IQSEC1: variants seen among roughly 807,000 people sequenced by gnomAD.
IQSEC1 encodes IQ motif and SEC7 domain-containing protein 1.
In IQSEC1, 31 loss-of-function variants were observed where a neutral mutation model predicts 91.0. The observed-to-expected ratio is 0.34, with a 90% CI of 0.26 to 0.46. IQSEC1 has a LOEUF of 0.46. Ranked by LOEUF, IQSEC1 falls within the 20% of genes least tolerant of loss-of-function variation. IQSEC1 has a pLI of 1.00. For missense variants in IQSEC1, 1,388 were observed against 1,575.6 expected (o/e 0.88, Z 2.02); for synonymous variants, 699 against 662.6 (o/e 1.05, Z -0.84).
At chr3:13,112,787 G>A (rs1015995974) in intron 2 of IQSEC1, among the ~76,000 whole-genome samples, 1 of 152,236 alleles carries the variant, frequency 6.6e-6, no homozygotes, top group African/African-American at 2.4e-5. Flanking sequence ...CCTGACCACA[G>A]GGCCCAGGTG....
intron 1 of IQSEC1, among the ~76,000 whole-genome samples, chr3:13,273,306 A>C (rs1695619012): frequency 6.6e-6 from 1 of 152,120 alleles, no homozygotes; most frequent in Non-Finnish European, 1.5e-5. Flanking sequence ...AAGGGAAGTG[A>C]ACATCTCTGC....
At chr3:13,070,313 G>A (rs565107663) in intron 1 of IQSEC1, among the ~76,000 whole-genome samples, 2 of 152,290 alleles carry the variant, frequency 1.3e-5, no homozygotes, top group East Asian at 1.9e-4. Flanking sequence ...AAACGGGATC[G>A]ACAGTATCAC....
chr3:12,997,009 T>C (rs929383020), intron 1 of IQSEC1, among the ~76,000 whole-genome samples: 3 of 152,284 alleles, frequency 2.0e-5, no homozygotes, highest in East Asian at 1.9e-4. Context: ...AGCATGCTAA[T>C]ATAAAAATAC....
At chr3:12,975,893 A>G (rs1030352548) in intron 1 of IQSEC1, among the ~76,000 whole-genome samples, 3 of 152,212 alleles carry the variant, frequency 2.0e-5, no homozygotes, top group South Asian at 2.1e-4. Context: ...CTGCGGGAAG[A>G]AAGTCTCTGC....
intron 1 of IQSEC1, among the ~76,000 whole-genome samples, chr3:12,978,742 C>T (rs1701314411): frequency 6.6e-6 from 1 of 151,848 alleles, no homozygotes; most frequent in Non-Finnish European, 1.5e-5. Context: ...AATCTTTGCA[C>T]AACAGTAAGC....
At chr3:13,094,941 G>A (rs995641158) in intron 2 of IQSEC1, among the ~76,000 whole-genome samples, 4 of 152,142 alleles carry the variant, frequency 2.6e-5, no homozygotes, top group African/African-American at 9.7e-5. Flanking sequence ...GCTGAGAGAG[G>A]AGCCCAGCAA....
chr3:12,901,683 G>A (rs1026243660), intron 13 of IQSEC1, among the ~76,000 whole-genome samples, 161 bp from the exon 14 acceptor site: 2 of 151,752 alleles, frequency 1.3e-5, no homozygotes, highest in South Asian at 2.1e-4. Context: ...ACTGGGCCCC[G>A]CCTCCTCTCA....
At position 13,050,353 on chromosome 3, in the gene IQSEC1, C is replaced by T. The variant is rs541524021; in HGVS notation, c.23+22639G>A. On this transcript the variant is annotated intron_variant, in intron 1 of 13. Transcript: ENST00000613206. ...GGGTGCACAGGGTCCCCAGAGAGAA[C>T]CCTCAGCCCAGCAGTCCTGAATTTG... 3.9e-5 allele frequency among the ~76,000 whole-genome samples: 6 copies of T among 152,142 alleles called. 1 individual carries two copies. The highest frequency in any genetic ancestry group is 7.4e-5 in the Non-Finnish European group (5 of 68,024).
Position 12,935,347 on chromosome 3 carries a change from T to G in IQSEC1, c.1568+101A>C, listed in dbSNP as rs900743041. 4.2e-6 allele frequency: 5 copies of G among 1,194,930 alleles called. No homozygotes were observed. Among genetic ancestry groups the G allele is most frequent in the Non-Finnish European group, 5.9e-6 (5 of 842,488 alleles). 74.0% of individuals were successfully genotyped at this position (1,194,930 alleles called of 1,614,324 possible). On this transcript the variant is annotated intron_variant, in intron 3 of 13. Transcript: ENST00000613206. The surrounding 1 kb of genome is among the most constrained non-coding windows in gnomAD (Gnocchi z 8.0). ...AGCTTCCTATGCTCATAGGCCACGG[T>G]GGACCTCAAGCTCCGTGCTTGGAAG... is the stretch of plus-strand genomic sequence containing the variant.
chr3:12,898,423 C>G lies in IQSEC1; in HGVS notation c.*2560G>C, dbSNP rs932051285. 1 of 152,262 alleles carries G rather than the reference C, an allele frequency of 6.6e-6. No individual in the cohort carries two copies. Among genetic ancestry groups the G allele is most frequent in the Non-Finnish European group, 1.5e-5 (1 of 68,054 alleles). 9.4% of individuals were successfully genotyped at this position (152,262 alleles called of 1,614,324 possible). A position where few individuals can be genotyped will look rare whatever the true frequency, so the allele number is the denominator to read the frequency against. On this transcript the variant is annotated 3_prime_UTR_variant, in exon 14 of 14. Transcript: ENST00000613206. ...AACCCCGGGAAGGGCTCAGTGGGTT[C>G]CAGCAGTTCCTTACGCGAGGCCCTG...
At chr3:13,149,548 G>T (rs920849367) in intron 2 of IQSEC1, among the ~76,000 whole-genome samples, 1 of 152,096 alleles carries the variant, frequency 6.6e-6, no homozygotes, top group African/African-American at 2.4e-5. Flanking sequence ...GGGGGAGGAC[G>T]CAGCCTGTCA....
intron 1 of IQSEC1, among the ~76,000 whole-genome samples, chr3:13,240,152 G>A (rs1694997238): frequency 6.6e-6 from 1 of 152,112 alleles, no homozygotes; most frequent in Non-Finnish European, 1.5e-5. Flanking sequence ...GCTGAGGCGG[G>A]AGGATCACTT....
intron 2 of IQSEC1, among the ~76,000 whole-genome samples, chr3:13,157,297 T>C (rs965744744): frequency 6.6e-6 from 1 of 152,210 alleles, no homozygotes; most frequent in Non-Finnish European, 1.5e-5. Context: ...ATTAATTCTC[T>C]ACACAAGTTC....
At chr3:12,965,983 T>C (rs1700536735) in intron 1 of IQSEC1, among the ~76,000 whole-genome samples, 1 of 152,212 alleles carries the variant, frequency 6.6e-6, no homozygotes, top group Admixed American at 6.5e-5. Context: ...GCTTTAGTAC[T>C]GACAAGACTG....
chr3:13,083,365 C>T (rs1039123454), intron 2 of IQSEC1, among the ~76,000 whole-genome samples: 1 of 152,220 alleles, frequency 6.6e-6, no homozygotes. Flanking sequence ...AGTGTGGCAG[C>T]AGATAACAAC....
chr3:13,143,878 T>G (rs765065688), intron 2 of IQSEC1, among the ~76,000 whole-genome samples: 5 of 152,176 alleles, frequency 3.3e-5, no homozygotes, highest in Non-Finnish European at 7.4e-5. Context: ...CTTAGATTTT[T>G]TAGTTGCATA....
chr3:12,955,268 C>A (rs964985218), intron 1 of IQSEC1, among the ~76,000 whole-genome samples: 1 of 152,248 alleles, frequency 6.6e-6, no homozygotes, highest in African/African-American at 2.4e-5. Flanking sequence ...GCCCTGGGCT[C>A]AGCTCTCTGT....
At chr3:13,226,965 A>C (rs9867508) in intron 1 of IQSEC1, among the ~76,000 whole-genome samples, 33,011 of 151,972 alleles carry the variant, frequency 0.22, 5,405 homozygotes, top group African/African-American at 0.45. Flanking sequence ...CTGCAGAGGG[A>C]GTCCTTGAGG....
At position 13,039,237 on chromosome 3, in the gene IQSEC1, G is replaced by T. The variant is rs186751978; in HGVS notation, c.23+33755C>A. 2.2e-3 allele frequency among the ~76,000 whole-genome samples: 341 copies of T among 152,366 alleles called. 2 individuals are homozygous for T. The highest frequency in any genetic ancestry group is 4.3e-3 in the Non-Finnish European group (292 of 68,040). On this transcript the variant is annotated intron_variant, in intron 1 of 13. Coordinates refer to ENST00000613206, the MANE Select transcript of IQSEC1 (RefSeq NM_001134382.3). ...CCCACAACCAAGGCAGAACGCAGAG[G>T]CGCCCCGTGAAGATTTCTTTCCGTT... is the stretch of plus-strand genomic sequence containing the variant.
Sources: gnomAD v4.1 joint callset for allele counts (sites outside exome capture counted in the v4.1 genomes callset) on GRCh38, gnomAD v4.1.1 for gene constraint, Gnocchi (gnomAD v3.1) non-coding constraint, MANE v1.5 for transcripts, NCBI Gene and HGNC (gene_info 2026-07-23, HGNC 2026-07-21) for gene names.